SSPN: variants seen among roughly 807,000 people sequenced by gnomAD.
SSPN encodes the protein sarcospan, also known as K-ras oncogene-associated protein.
SSPN carries 15 observed loss-of-function variants against 19.1 expected under a neutral mutation model. The observed-to-expected ratio is 0.78, with a 90% CI of 0.52 to 1.21. The LOEUF (loss-of-function observed/expected upper bound fraction) is 1.21. SSPN is among the 50% of genes most tolerant of loss of function. SSPN has a pLI of 0.00. For missense variants in SSPN, 291 were observed against 314.0 expected, an observed-to-expected ratio of 0.93 and a Z score of 0.55; for synonymous variants, 147 against 140.3, an observed-to-expected ratio of 1.05 and a Z score of -0.34.
intron 1 of SSPN, chr12:26,123,206 G>A (rs146343040): frequency 2.0e-4 from 302 of 1,540,302 alleles, no homozygotes; most frequent in Admixed American, 9.8e-5. Context: ...GGACGGAGGA[G>A]TGGAGGCAAG....
upstream of SSPN, among the ~76,000 whole-genome samples, chr12:26,194,511 G>A (rs190948864): frequency 5.9e-5 from 9 of 152,208 alleles, no homozygotes; most frequent in South Asian, 4.2e-4. Flanking sequence ...TCAGCCTCCC[G>A]AGTAGCTGAG....
intron 1 of SSPN, among the ~76,000 whole-genome samples, chr12:26,168,177 C>T (rs553749702): frequency 6.8e-6 from 1 of 147,410 alleles, no homozygotes; most frequent in South Asian, 2.1e-4. Flanking sequence ...CACACCACTG[C>T]ACCCCAGCCT....
At chr12:26,151,086 G>A (rs1045094767) in intron 1 of SSPN, among the ~76,000 whole-genome samples, 1 of 151,936 alleles carries the variant, frequency 6.6e-6, no homozygotes, top group Non-Finnish European at 1.5e-5. Context: ...ATTTTCGGGT[G>A]GAACTTAGGG....
At chr12:26,150,162 CA>C (rs1225052723) in intron 1 of SSPN, among the ~76,000 whole-genome samples, 2 of 152,164 alleles carry the variant, frequency 1.3e-5, no homozygotes, top group Non-Finnish European at 2.9e-5. Flanking sequence ...ACATTAGCCA[CA>C]AGAAAGGAAG....
upstream of SSPN, among the ~76,000 whole-genome samples, chr12:26,192,166 C>T (rs1434527951): frequency 1.3e-5 from 2 of 152,094 alleles, no homozygotes; most frequent in Non-Finnish European, 2.9e-5. Context: ...TTTGTTTTCT[C>T]CCCCAAGAGG....
intron 1 of SSPN, among the ~76,000 whole-genome samples, chr12:26,131,943 AACAGTT>A (rs1196404674): frequency 6.6e-6 from 1 of 152,158 alleles, no homozygotes; most frequent in Non-Finnish European, 1.5e-5. Context: ...CTTGAGTTTT[AACAGTT>A]AATTACCTTC....
At chr12:26,162,884 G>T (rs1944597553) in intron 1 of SSPN, among the ~76,000 whole-genome samples, 1 of 152,152 alleles carries the variant, frequency 6.6e-6, no homozygotes. Context: ...TTAATATGTT[G>T]CCTGAAAAAG....
intron 1 of SSPN, among the ~76,000 whole-genome samples, chr12:26,148,293 T>C (rs1381999218): frequency 6.6e-6 from 1 of 152,230 alleles, no homozygotes; most frequent in African/African-American, 2.4e-5. Flanking sequence ...ATTGGGTGAT[T>C]GGCCTGGAGT....
intron 1 of SSPN, among the ~76,000 whole-genome samples, chr12:26,187,584 T>C (rs1288539716): frequency 6.6e-6 from 1 of 152,204 alleles, no homozygotes; most frequent in Non-Finnish European, 1.5e-5. Flanking sequence ...GCAGACTTTT[T>C]ATGATTGGCT....
At chr12:26,195,357 C>G (rs1944815962), upstream of SSPN, 3 of 310,938 alleles carry the variant, frequency 9.6e-6, no homozygotes, top group Non-Finnish European at 1.7e-5. Flanking sequence ...CGCGCACTCG[C>G]AGCCTGTCTG....
chr12:26,198,167 G>T (rs937540679), intron 1 of SSPN, among the ~76,000 whole-genome samples: 8 of 140,710 alleles, frequency 5.7e-5, no homozygotes, highest in Non-Finnish European at 8.0e-5. Context: ...TTTGAGTTTT[G>T]GGGGGGGGTT....
chr12:26,199,337 A>C (rs977931741), intron 1 of SSPN, among the ~76,000 whole-genome samples: 4 of 152,200 alleles, frequency 2.6e-5, no homozygotes, highest in Non-Finnish European at 4.4e-5. Flanking sequence ...CAATCAAAAG[A>C]TGATTGAAGT....
At chr12:26,155,829 G>C (rs543455710) in intron 1 of SSPN, among the ~76,000 whole-genome samples, 2 of 152,308 alleles carry the variant, frequency 1.3e-5, no homozygotes, top group East Asian at 3.9e-4. Context: ...TGTGCGGTGA[G>C]CCCTGTTGTT....
chr12:26,195,453 C>G, upstream of SSPN: 1 of 787,680 alleles, frequency 1.3e-6, no homozygotes, highest in Non-Finnish European at 1.7e-6. Context: ...GCAGGCGCTG[C>G]GTCCCGGCGC....
At chr12:26,125,487 T>G (rs1004491436) in intron 1 of SSPN, 3 of 156,436 alleles carry the variant, frequency 1.9e-5, no homozygotes, top group African/African-American at 7.2e-5. Context: ...AAGGAAATTT[T>G]GGAGACTTGT....
intron 1 of SSPN, among the ~76,000 whole-genome samples, chr12:26,185,509 G>A (rs953474498): frequency 3.3e-5 from 5 of 152,292 alleles, no homozygotes; most frequent in Admixed American, 3.3e-4. Flanking sequence ...GTACTGGTCT[G>A]ATTATACCTC....
intron 1 of SSPN, among the ~76,000 whole-genome samples, chr12:26,201,047 T>TATATATATATATATATATATATATATAAA (rs1565685553): frequency 2.0e-5 from 1 of 51,038 alleles, no homozygotes; most frequent in Non-Finnish European, 3.3e-5. Context: ...ATATATATAT[T>TATATATATATATATATATATATATATAAA]ATATATATAT....
At chr12:26,198,173 G>GGT (rs1393239161) in intron 1 of SSPN, among the ~76,000 whole-genome samples, 1 of 148,876 alleles carries the variant, frequency 6.7e-6, no homozygotes, top group African/African-American at 2.4e-5. Flanking sequence ...TTTTGGGGGG[G>GGT]GGTTTTTGGA....
chr12:26,145,178 C>T (rs1043894090), intron 1 of SSPN, among the ~76,000 whole-genome samples: 2 of 152,286 alleles, frequency 1.3e-5, no homozygotes, highest in Admixed American at 6.5e-5. Context: ...CCTCTGCAAA[C>T]GAGCTTTATT....
Sources: allele counts gnomAD v4.1 joint callset (sites outside exome capture counted in the v4.1 genomes callset), GRCh38; gene constraint gnomAD v4.1.1; transcripts MANE v1.5; gene names NCBI Gene and HGNC (gene_info 2026-07-23, HGNC 2026-07-21).